Variants in ATAD2B observed in about 807,000 individuals in gnomAD.
ATAD2B encodes the protein ATPase family AAA domain-containing protein 2B.
Under a neutral mutation model 167.6 loss-of-function variants are expected in ATAD2B, and 40 were observed. That is an observed-to-expected ratio of 0.24 (90% CI 0.19 to 0.31). The LOEUF (loss-of-function observed/expected upper bound fraction) is 0.31, where lower values mean the gene tolerates loss of function less well. ATAD2B is among the 10% of genes least tolerant of loss of function. The pLI is 1.00. For missense variants in ATAD2B, 1,242 were observed against 1,757.2 expected (o/e 0.71, Z 5.24); for synonymous variants, 579 against 596.5 (o/e 0.97, Z 0.43).
intron 1 of ATAD2B, among the ~76,000 whole-genome samples, chr2:23,924,809 C>CAT (rs1704477648): frequency 6.6e-6 from 1 of 152,190 alleles, no homozygotes; most frequent in Non-Finnish European, 1.5e-5. Context: ...ACCAAATGTT[C>CAT]ATTTCCTCAT....
At position 23,796,839 on chromosome 2, in the gene ATAD2B, T is replaced by C. The variant is rs1421734055; in HGVS notation, c.2640+1299A>G. 2.0e-5 allele frequency among the ~76,000 whole-genome samples: 3 copies of C among 152,148 alleles called. No homozygotes were observed. The East Asian group carries it at 5.8e-4, about 29-fold the overall frequency. On this transcript the variant is annotated intron_variant, in intron 19 of 27. Coordinates refer to ENST00000238789, the MANE Select transcript of ATAD2B (RefSeq NM_017552.4). ...ATGACCCTGTCTGTTATTATCCACATGTTATAGATGAAAATGAAGCAATTA... is the reference window on the plus strand; with the variant it reads ...ATGACCCTGTCTGTTATTATCCACACGTTATAGATGAAAATGAAGCAATTA...
intron 14 of ATAD2B, among the ~76,000 whole-genome samples, chr2:23,833,129 G>C (rs1005096028): frequency 6.6e-6 from 1 of 152,156 alleles, no homozygotes; most frequent in Non-Finnish European, 1.5e-5. Context: ...TCAAACTGAG[G>C]TATGAACTGC....
chr2:23,756,430 G>A (rs1288764157), intron 25 of ATAD2B, among the ~76,000 whole-genome samples: 2 of 152,074 alleles, frequency 1.3e-5, no homozygotes, highest in African/African-American at 2.4e-5. Context: ...CAAATCCCAG[G>A]CTGAAGCTGT....
At chr2:23,910,783 G>A (rs182821988) in intron 1 of ATAD2B, among the ~76,000 whole-genome samples, 52 of 151,988 alleles carry the variant, frequency 3.4e-4, no homozygotes, top group Admixed American at 2.4e-3. Flanking sequence ...TACAATAATC[G>A]CTTGAACCTA....
the ATAD2B span, among the ~76,000 whole-genome samples, chr2:23,705,695 G>A: frequency 6.6e-6 from 1 of 152,198 alleles, no homozygotes; most frequent in African/African-American, 2.4e-5. Flanking sequence ...TCAGAAACGG[G>A]TGGAGCCTTT....
chr2:23,903,851 C>T (rs1349090718), intron 1 of ATAD2B, among the ~76,000 whole-genome samples: 1 of 151,750 alleles, frequency 6.6e-6, no homozygotes, highest in Non-Finnish European at 1.5e-5. Flanking sequence ...GAAATTTAGT[C>T]CAGAAAACAA....
intron 2 of ATAD2B, among the ~76,000 whole-genome samples, chr2:23,891,107 A>G (rs1371539636): frequency 6.7e-6 from 1 of 148,844 alleles, no homozygotes; most frequent in Non-Finnish European, 1.5e-5. Flanking sequence ...TGCAACCACC[A>G]TCTCCCGGGT....
At chr2:23,845,740 C>T (rs1691680242) in intron 13 of ATAD2B, among the ~76,000 whole-genome samples, 2 of 151,788 alleles carry the variant, frequency 1.3e-5, no homozygotes, top group Non-Finnish European at 2.9e-5. Context: ...CCACTACACC[C>T]AGCTAATTTT....
the ATAD2B span, chr2:23,708,247 T>C: frequency 6.6e-6 from 1 of 152,230 alleles, no homozygotes; most frequent in East Asian, 1.9e-4. Flanking sequence ...TTTTTAATAT[T>C]ATTTATTATT....
chr2:23,872,642 G>A, intron 8 of ATAD2B: 5 of 1,348,298 alleles, frequency 3.7e-6, no homozygotes, highest in Non-Finnish European at 5.3e-6. Context: ...CATCGGAGGT[G>A]GTGGAACATC....
chr2:23,753,245 A>G (rs1443372333), intron 27 of ATAD2B, among the ~76,000 whole-genome samples: 2 of 152,210 alleles, frequency 1.3e-5, no homozygotes, highest in South Asian at 2.1e-4. Flanking sequence ...ATATTGCCAA[A>G]TAAGAAAAGA....
chr2:23,826,400 T>C (rs1475920438), intron 15 of ATAD2B, among the ~76,000 whole-genome samples: 1 of 152,170 alleles, frequency 6.6e-6, no homozygotes, highest in Non-Finnish European at 1.5e-5. Context: ...ATTCTAGTAA[T>C]ACTGAAAATA....
At chr2:23,801,805 TATCC>T (rs1323217884) in intron 18 of ATAD2B, among the ~76,000 whole-genome samples, 1 of 152,056 alleles carries the variant, frequency 6.6e-6, no homozygotes, top group African/African-American at 2.4e-5. Context: ...AAGTTAGAAG[TATCC>T]ATCCAAGGAA....
intron 18 of ATAD2B, among the ~76,000 whole-genome samples, chr2:23,805,615 T>C (rs754002344): frequency 5.3e-5 from 8 of 152,160 alleles, no homozygotes; most frequent in Non-Finnish European, 1.0e-4. Context: ...TTCCTAAACA[T>C]AGAATTCCTG....
chr2:23,845,532 G>T (rs1691632847), intron 13 of ATAD2B, among the ~76,000 whole-genome samples: 1 of 151,170 alleles, frequency 6.6e-6, no homozygotes. Flanking sequence ...GTTGGCTGTG[G>T]GCAGGAAAAG....
chr2:23,684,395 G>A, the ATAD2B span: 2 of 1,521,372 alleles, frequency 1.3e-6, no homozygotes, highest in African/African-American at 1.4e-5. The surrounding 1 kb of genome is among the most constrained non-coding windows in gnomAD (Gnocchi z 4.4). Flanking sequence ...TCTCTGTTCT[G>A]CAGAAATGTT....
rs375966207 is a variant in ATAD2B at position 23,807,815 on chromosome 2, T to TAA, written c.2454+2499_2454+2500dup. 9.0e-4 allele frequency among the ~76,000 whole-genome samples: 107 copies of TAA among 119,494 alleles called. 2 individuals carry two copies. Among genetic ancestry groups the TAA allele is most frequent in the African/African-American group, 3.2e-3 (101 of 31,522 alleles). 78.4% of individuals were successfully genotyped at this position (119,494 alleles called of 152,430 possible). A position where few individuals can be genotyped will look rare whatever the true frequency, so the allele number is the denominator to read the frequency against. On this transcript the variant is annotated intron_variant, in intron 18 of 27. Coordinates refer to ENST00000238789, the MANE Select transcript of ATAD2B (RefSeq NM_017552.4). ...TGGGCAACAGAGCGTGACTCCATCT[T>TAA]AAAAAAAAAAAAAATATATATATAT...
the ATAD2B span, among the ~76,000 whole-genome samples, chr2:23,727,210 T>C: frequency 6.6e-6 from 1 of 152,156 alleles, no homozygotes; most frequent in South Asian, 2.1e-4. Context: ...AAAAGACTGG[T>C]ATCCAAAACA....
At chr2:23,918,689 T>C (rs1361608818) in intron 1 of ATAD2B, among the ~76,000 whole-genome samples, 2 of 152,162 alleles carry the variant, frequency 1.3e-5, no homozygotes, top group African/African-American at 4.8e-5. Context: ...TAGGTATACT[T>C]ACAGTATACA....
Sources: allele counts gnomAD v4.1 joint callset (sites outside exome capture counted in the v4.1 genomes callset), GRCh38; gene constraint gnomAD v4.1.1; non-coding constraint Gnocchi (gnomAD v3.1); transcripts MANE v1.5; gene names NCBI Gene and HGNC (gene_info 2026-07-23, HGNC 2026-07-21).